The following NRG1 variants were observed in gnomAD, a reference collection of about 807,000 sequenced individuals.
NRG1 encodes the protein neuregulin 1.
A neutral mutation model predicts 63.8 loss-of-function variants in NRG1; 18 were observed. The observed-to-expected ratio is 0.28, with a 90% CI of 0.19 to 0.42. NRG1 has a LOEUF of 0.42. NRG1 is among the 10% of genes least tolerant of loss of function. The pLI is 1.00. For synonymous variants in NRG1, 302 were observed against 301.3 expected (o/e 1.00, Z -0.02); for missense variants, 762 against 814.7 (o/e 0.94, Z 0.79).
At chr8:31,832,290 A>C in intron 1 of NRG1, among the ~76,000 whole-genome samples, 2 of 140,042 alleles carry the variant, frequency 1.4e-5, no homozygotes, top group African/African-American at 2.6e-5. Flanking sequence ...TCTCAGTCTC[A>C]CTCTGTTGCC....
chr8:32,026,666 TA>T (rs2130359120), intron 1 of NRG1, among the ~76,000 whole-genome samples: 1 of 152,304 alleles, frequency 6.6e-6, no homozygotes, highest in South Asian at 2.1e-4. Flanking sequence ...TAACACATAA[TA>T]GCTTAACTTA....
rs1431290134 is a variant in NRG1 at position 32,398,412 on chromosome 8, T to A, written c.38-197416T>A. On this transcript the variant is annotated intron_variant, in intron 1 of 10. Coordinates refer to the NRG1 transcript ENST00000519301. ...ATGTTACCTGTATTTCCACCCAAAT[T>A]TTTTTTTTTTTTTTTTAAGACCAGG... Among the ~76,000 whole-genome samples the A allele has an allele frequency of 3.5e-3, 47 of 13,550 alleles. 2 individuals carry two copies. The highest frequency in any genetic ancestry group is 7.8e-3 in the African/African-American group (42 of 5,400). 8.9% of individuals were successfully genotyped at this position (13,550 alleles called of 152,430 possible).
rs529521306 is a variant in NRG1 at position 31,764,467 on chromosome 8, A to G, written c.37+125036A>G. ...AATTATGTGATTTCAAGATTGTTATATAAATGAAATGATGTAGTATAATAT... is the reference window on the plus strand; with the variant it reads ...AATTATGTGATTTCAAGATTGTTATGTAAATGAAATGATGTAGTATAATAT... On this transcript the variant is annotated intron_variant, in intron 1 of 10. Transcript: ENST00000519301. Among the ~76,000 whole-genome samples, 7 of 152,308 alleles carry G rather than the reference A, an allele frequency of 4.6e-5. No homozygotes were observed. The East Asian group carries it at 1.3e-3, about 29-fold the overall frequency.
chr8:32,518,841 T>C (rs1422486427), intron 1 of NRG1, among the ~76,000 whole-genome samples: 3 of 152,220 alleles, frequency 2.0e-5, no homozygotes, highest in African/African-American at 7.2e-5. Flanking sequence ...TCAGATGGCA[T>C]AGTAATTTTA....
chr8:32,184,419 A>G (rs1202504739), intron 1 of NRG1, among the ~76,000 whole-genome samples: 1 of 152,202 alleles, frequency 6.6e-6, no homozygotes, highest in Non-Finnish European at 1.5e-5. Context: ...ATCAAGGCCC[A>G]GCATATACCC....
chr8:32,141,968 G>A (rs1201302915), intron 1 of NRG1, among the ~76,000 whole-genome samples: 1 of 152,036 alleles, frequency 6.6e-6, no homozygotes, highest in Non-Finnish European at 1.5e-5. Flanking sequence ...CAGCTCCGTG[G>A]GAAGCCTTTG....
intron 1 of NRG1, among the ~76,000 whole-genome samples, chr8:32,478,407 C>A (rs1348968535): frequency 6.6e-6 from 1 of 152,146 alleles, no homozygotes; most frequent in Non-Finnish European, 1.5e-5. Flanking sequence ...TTTTGGGACA[C>A]CAATGTAATA....
chr8:32,680,697 C>A (rs75603701), intron 5 of NRG1, among the ~76,000 whole-genome samples: 11,650 of 152,138 alleles, frequency 0.077, 605 homozygotes, highest in Non-Finnish European at 0.12. Flanking sequence ...TCTGATTCTT[C>A]CTTTTTACTC....
intron 1 of NRG1, among the ~76,000 whole-genome samples, chr8:32,334,870 T>C (rs1803062039): frequency 6.6e-6 from 1 of 152,220 alleles, no homozygotes; most frequent in Non-Finnish European, 1.5e-5. Flanking sequence ...TAAGTTCTTT[T>C]GGCAAATCTC....
intron 4 of NRG1, among the ~76,000 whole-genome samples, chr8:32,614,876 C>T (rs951088052): frequency 9.9e-5 from 15 of 152,000 alleles, no homozygotes; most frequent in African/African-American, 3.6e-4. Flanking sequence ...TTATGTCTTT[C>T]CAGGTGATTC....
chr8:31,754,715 G>A (rs1816798687), intron 1 of NRG1, among the ~76,000 whole-genome samples: 1 of 152,010 alleles, frequency 6.6e-6, no homozygotes, highest in Non-Finnish European at 1.5e-5. Flanking sequence ...CCACTCCTTA[G>A]GTAGGATCTC....
At chr8:32,314,170 T>C (rs920706664) in intron 1 of NRG1, among the ~76,000 whole-genome samples, 4 of 145,078 alleles carry the variant, frequency 2.8e-5, no homozygotes, top group African/African-American at 7.8e-5. Context: ...TTCTGGGCCA[T>C]GTAGACTAGC....
intron 1 of NRG1, among the ~76,000 whole-genome samples, chr8:31,855,937 G>A (rs1426463522): frequency 1.1e-4 from 17 of 151,638 alleles, no homozygotes; most frequent in Non-Finnish European, 2.2e-4. Context: ...GTTGAATATT[G>A]GCCCCCACTC....
At chr8:32,076,836 A>G (rs1826646520) in intron 1 of NRG1, among the ~76,000 whole-genome samples, 1 of 152,210 alleles carries the variant, frequency 6.6e-6, no homozygotes, top group African/African-American at 2.4e-5. Flanking sequence ...AAGAATTAAC[A>G]CTGGGCATCA....
At chr8:32,245,559 C>G (rs1234995109) in intron 1 of NRG1, among the ~76,000 whole-genome samples, 2 of 152,134 alleles carry the variant, frequency 1.3e-5, no homozygotes, top group African/African-American at 4.8e-5. Context: ...ATAATTATGT[C>G]TACAATCTGA....
intron 1 of NRG1, among the ~76,000 whole-genome samples, chr8:31,972,932 A>G (rs1001063111): frequency 3.3e-5 from 5 of 152,228 alleles, no homozygotes; most frequent in African/African-American, 1.2e-4. Flanking sequence ...TTCTCTTTAT[A>G]TGTGTACATA....
intron 1 of NRG1, among the ~76,000 whole-genome samples, chr8:32,228,775 C>A (rs745597317): frequency 6.6e-6 from 1 of 152,242 alleles, no homozygotes; most frequent in Admixed American, 6.5e-5. Context: ...GACATATATA[C>A]GTGTCTGTGC....
intron 1 of NRG1, among the ~76,000 whole-genome samples, chr8:32,398,569 C>A (rs74512775): frequency 0.02 from 3,022 of 152,154 alleles, 95 homozygotes; most frequent in African/African-American, 0.064. Context: ...CGCCATTATG[C>A]CCATCTGATC....
Position 32,033,399 on chromosome 8 carries a change from T to A in NRG1, c.37+393968T>A, listed in dbSNP as rs573430595. On this transcript the variant is annotated intron_variant, in intron 1 of 10. Transcript: ENST00000519301. ...TATAGCATGATGCCTCCAGGTTTGC[T>A]CTTTTTGCTTAGGATAGTCTTGGCT... Among the ~76,000 whole-genome samples the A allele has an allele frequency of 6.2e-4, 94 of 152,358 alleles. 2 individuals are homozygous for A. The highest frequency in any genetic ancestry group is 6.0e-3 in the Admixed American group (92 of 15,310).
Sources: allele counts gnomAD v4.1 joint callset (sites outside exome capture counted in the v4.1 genomes callset), GRCh38; gene constraint gnomAD v4.1.1; transcripts MANE v1.5; gene names NCBI Gene and HGNC (gene_info 2026-07-23, HGNC 2026-07-21).